XPNPEP3: variants seen among roughly 807,000 people sequenced by gnomAD.
The protein encoded by XPNPEP3 is X-prolyl aminopeptidase 3.
Under a neutral mutation model 60.0 loss-of-function variants are expected in XPNPEP3, and 41 were observed. That is an observed-to-expected ratio of 0.68 (90% CI 0.53 to 0.89). The LOEUF (loss-of-function observed/expected upper bound fraction) is 0.89. Ranked by LOEUF, XPNPEP3 falls within the 40% of genes least tolerant of loss-of-function variation. The pLI is 0.00. For missense variants in XPNPEP3, 598 were observed against 638.9 expected, an observed-to-expected ratio of 0.94 and a Z score of 0.69; for synonymous variants, 212 against 223.2, an observed-to-expected ratio of 0.95 and a Z score of 0.45.
chr22:40,900,342 C>T (rs1006111291), intron 4 of XPNPEP3, among the ~76,000 whole-genome samples: 2 of 150,800 alleles, frequency 1.3e-5, no homozygotes, highest in Admixed American at 6.6e-5. Context: ...CGGTGACCCA[C>T]GCCTATAATC....
At chr22:40,878,940 G>A (rs2058037467) in intron 2 of XPNPEP3, among the ~76,000 whole-genome samples, 2 of 151,940 alleles carry the variant, frequency 1.3e-5, no homozygotes, top group African/African-American at 2.4e-5. Flanking sequence ...ATAGCCAAAA[G>A]CAAAGTTCAG....
chr22:40,904,308 G>A (rs140021333), intron 4 of XPNPEP3, among the ~76,000 whole-genome samples: 1 of 152,318 alleles, frequency 6.6e-6, no homozygotes, highest in African/African-American at 2.4e-5. Context: ...AGTAAAGCAA[G>A]ATTAGGCATT....
chr22:40,916,336 A>G (rs1049386232), intron 7 of XPNPEP3, among the ~76,000 whole-genome samples: 1 of 151,570 alleles, frequency 6.6e-6, no homozygotes, highest in East Asian at 1.9e-4. Flanking sequence ...TAATGTTCCA[A>G]TTAGCAGAAA....
At chr22:40,918,225 T>A (rs1433068914) in intron 7 of XPNPEP3, among the ~76,000 whole-genome samples, 1 of 151,722 alleles carries the variant, frequency 6.6e-6, no homozygotes, top group Non-Finnish European at 1.5e-5. Context: ...ATACAAAAAA[T>A]TGGCCAACTA....
At chr22:40,884,015 ATATAT>A (rs747899349) in intron 3 of XPNPEP3, among the ~76,000 whole-genome samples, 1 of 152,192 alleles carries the variant, frequency 6.6e-6, no homozygotes. Flanking sequence ...CAATCATAAA[ATATAT>A]TAGACTGTTT....
chr22:40,870,071 G>A (rs1282657557), intron 2 of XPNPEP3: 6 of 470,794 alleles, frequency 1.3e-5, no homozygotes, highest in African/African-American at 6.0e-5. Flanking sequence ...CTGGGAAGTC[G>A]GCTGAAACTA....
intron 4 of XPNPEP3, among the ~76,000 whole-genome samples, chr22:40,899,009 A>G (rs760802067): frequency 8.5e-5 from 13 of 152,092 alleles, no homozygotes; most frequent in Non-Finnish European, 1.8e-4. Flanking sequence ...AACCTTTCTC[A>G]CTCAGCAATA....
chr22:40,907,072 A>G (rs1253369631), intron 4 of XPNPEP3: 1 of 456,230 alleles, frequency 2.2e-6, no homozygotes, highest in African/African-American at 2.0e-5. Flanking sequence ...TTAAATTGCA[A>G]CGTGAATTTT....
chr22:40,889,023 T>G (rs370118479), intron 4 of XPNPEP3, among the ~76,000 whole-genome samples: 1 of 151,740 alleles, frequency 6.6e-6, no homozygotes, highest in South Asian at 2.1e-4. Context: ...TTTTTTGTTT[T>G]GTTTTGTTTT....
chr22:40,911,391 CATTCTT>C (rs1349031292), intron 6 of XPNPEP3, among the ~76,000 whole-genome samples: 2 of 152,088 alleles, frequency 1.3e-5, no homozygotes, highest in Non-Finnish European at 2.9e-5. Flanking sequence ...TTAATAGTCT[CATTCTT>C]AGTATTATGG....
intron 4 of XPNPEP3, chr22:40,888,529 C>A: frequency 4.0e-6 from 1 of 249,482 alleles, no homozygotes; most frequent in Non-Finnish European, 8.4e-6. Flanking sequence ...CAGGTATGAG[C>A]TGCCATGCCC....
intron 3 of XPNPEP3, among the ~76,000 whole-genome samples, chr22:40,882,414 G>T (rs2058051996): frequency 6.6e-6 from 1 of 152,130 alleles, no homozygotes. Flanking sequence ...AGGCAGACAG[G>T]TTCCTTGTGG....
chr22:40,879,899 C>T (rs1310156087), intron 2 of XPNPEP3, among the ~76,000 whole-genome samples: 3 of 151,324 alleles, frequency 2.0e-5, no homozygotes, highest in Non-Finnish European at 4.4e-5. Context: ...TGGTGGCTCA[C>T]GCCTGTAATC....
intron 4 of XPNPEP3, among the ~76,000 whole-genome samples, chr22:40,893,274 G>T (rs572697350): frequency 6.6e-6 from 1 of 150,768 alleles, no homozygotes; most frequent in African/African-American, 2.4e-5. Flanking sequence ...TTGGGAGGCC[G>T]AGGCAGGCGG....
At chr22:40,879,649 C>T (rs1211097274) in intron 2 of XPNPEP3, among the ~76,000 whole-genome samples, 1 of 152,016 alleles carries the variant, frequency 6.6e-6, no homozygotes, top group Non-Finnish European at 1.5e-5. Context: ...CGAAACCAGC[C>T]TGGACAACAT....
At chr22:40,861,620 G>A (rs143276105) in intron 1 of XPNPEP3, 47 of 1,613,124 alleles carry the variant, frequency 2.9e-5, no homozygotes, top group African/African-American at 2.0e-4. Flanking sequence ...TTCCATAGGA[G>A]CTTCCTGGAC....
At chr22:40,889,260 A>G (rs2058080484) in intron 4 of XPNPEP3, among the ~76,000 whole-genome samples, 1 of 152,068 alleles carries the variant, frequency 6.6e-6, no homozygotes, top group Admixed American at 6.6e-5. Flanking sequence ...CCTGGCCTCA[A>G]GAGATCTTCC....
chr22:40,916,753 A>G (rs2058197667), intron 7 of XPNPEP3, among the ~76,000 whole-genome samples: 1 of 152,170 alleles, frequency 6.6e-6, no homozygotes, highest in African/African-American at 2.4e-5. Flanking sequence ...ACACAAAGAA[A>G]ATTATCTTGG....
rs186999808 is a variant in XPNPEP3 at position 40,905,728 on chromosome 22, C to G, written c.793-1859C>G. Among the ~76,000 whole-genome samples, 328 of 152,296 alleles carry G rather than the reference C, an allele frequency of 2.2e-3. 1 individual carries two copies. The highest frequency in any genetic ancestry group is 3.6e-3 in the Non-Finnish European group (245 of 68,032). On this transcript the variant is annotated intron_variant, in intron 4 of 9. Coordinates refer to ENST00000357137, the MANE Select transcript of XPNPEP3 (RefSeq NM_022098.4). ...CCATGTAAATATTCCCACCATTGCACCACTTGCTTTTACTCTTTTGGGCAT... is the reference window on the plus strand; with the variant it reads ...CCATGTAAATATTCCCACCATTGCAGCACTTGCTTTTACTCTTTTGGGCAT...
Sources: allele counts gnomAD v4.1 joint callset (sites outside exome capture counted in the v4.1 genomes callset), GRCh38; gene constraint gnomAD v4.1.1; transcripts MANE v1.5; gene names NCBI Gene and HGNC (gene_info 2026-07-23, HGNC 2026-07-21).